The following GAREM1 variants were observed in gnomAD, a reference collection of about 807,000 sequenced individuals.
GAREM1 encodes GRB2 associated regulator of MAPK1 subtype 1, also known as GRB2-associated and regulator of MAPK protein 1.
GAREM1 carries 26 observed loss-of-function variants against 71.3 expected under a neutral mutation model. The observed-to-expected ratio is 0.36, with a 90% CI of 0.27 to 0.51. The LOEUF (loss-of-function observed/expected upper bound fraction) is 0.51, where lower values mean the gene tolerates loss of function less well. Ranked by LOEUF, GAREM1 falls within the 20% of genes least tolerant of loss-of-function variation. The probability of loss-of-function intolerance (pLI) is 0.95; values close to 1 mark genes in which losing one functional copy is unlikely to be tolerated. For synonymous variants in GAREM1, 440 were observed against 433.2 expected (o/e 1.02, Z -0.20); for missense variants, 1,026 against 1,103.1 (o/e 0.93, Z 0.99).
rs1206404957 is a variant in GAREM1, at chr18:32,267,001, A to C, written c.*870T>G. 1 of 152,338 alleles carries C rather than the reference A, an allele frequency of 6.6e-6. No homozygotes were observed. Among genetic ancestry groups the C allele is most frequent in the South Asian group, 2.1e-4 (1 of 4,828 alleles). The allele number at this position is 152,338 out of a possible 1,614,324, so 9.4% of individuals were successfully genotyped here. A position where few individuals can be genotyped will look rare whatever the true frequency, so the allele number is the denominator to read the frequency against. On this transcript the variant is annotated 3_prime_UTR_variant, in exon 6 of 6. Transcript: ENST00000269209. ...TCAGTGATGAACCCAAATAAGATTG[A>C]GCTTCAAGAGACAGGGTTCTGAGAA...
rs139098409 is a variant in GAREM1 at position 32,327,640 on chromosome 18, A to G, written c.263-17317T>C. On this transcript the variant is annotated intron_variant, in intron 2 of 5. Transcript: ENST00000269209. ...ATTGTAAAACCTAGAGTGTGACTGG[A>G]TATTAAATACATGAAGTTGGGTTCT... Among the ~76,000 whole-genome samples the G allele has an allele frequency of 9.8e-5, 15 of 152,330 alleles. No homozygotes were observed. In the East Asian group the frequency reaches 2.9e-3, roughly 29 times the overall value.
At chr18:32,294,608 A>G (rs1490443497) in intron 3 of GAREM1, among the ~76,000 whole-genome samples, 1 of 152,162 alleles carries the variant, frequency 6.6e-6, no homozygotes. Flanking sequence ...ATTTATTCAG[A>G]TCTTTTATTT....
chr18:32,297,336 C>A (rs1444400937), intron 3 of GAREM1, among the ~76,000 whole-genome samples: 1 of 152,146 alleles, frequency 6.6e-6, no homozygotes, highest in East Asian at 1.9e-4. Flanking sequence ...GCCTTAGGTT[C>A]CTCACCTATA....
At chr18:32,391,724 G>A (rs1567992170) in intron 2 of GAREM1, among the ~76,000 whole-genome samples, 1 of 152,130 alleles carries the variant, frequency 6.6e-6, no homozygotes, top group African/African-American at 2.4e-5. Flanking sequence ...TCTAACAGAT[G>A]TAATGCTTTC....
At position 32,268,284 on chromosome 18, in the gene GAREM1, C is replaced by T. The variant is rs752446771; in HGVS notation, c.2218G>A (p.Glu740Lys). ...ATTTTCAGAGGCAAAGGAGATGTTT[C>T]GGAGGCGACCTTCTCTTCCACTAGT... is the stretch of plus-strand genomic sequence containing the variant. Reference protein sequence around the residue: ...PKLVEEKVASETSPLPLKIDG... With the variant: ...PKLVEEKVASKTSPLPLKIDG... Residue 740 changes from glutamate to lysine, a missense_variant, in exon 6 of 6, where the codon GAA becomes AAA. By Grantham distance (56) the Glu-to-Lys change is moderately conservative. Transcript: ENST00000269209. 16 of 1,613,980 alleles carry T rather than the reference C, an allele frequency of 9.9e-6. No homozygotes were observed. The highest frequency in any genetic ancestry group is 7.7e-5 in the South Asian group (7 of 91,072).
chr18:32,268,189 C>T lies in GAREM1; in HGVS notation c.2313G>A (p.Lys771=). The T allele has an allele frequency of 1.2e-6, 2 of 1,614,104 alleles. No homozygotes were observed. The highest frequency in any genetic ancestry group is 1.7e-6 in the Non-Finnish European group (2 of 1,180,018). Residue 771 remains lysine (K), a synonymous_variant, in exon 6 of 6, where the codon AAG becomes AAA. Coordinates refer to ENST00000269209, the MANE Select transcript of GAREM1 (RefSeq NM_001242409.2). ...AGGCAGAGAAGATGTCCTGCATGCC[C>T]TTTTTAACAAAATACTGGTCCTCCG... ...DLSEDQYFVK[K]GMQDIFSASY...
At chr18:32,380,632 C>A (rs764820117) in intron 2 of GAREM1, among the ~76,000 whole-genome samples, 1 of 152,068 alleles carries the variant, frequency 6.6e-6, no homozygotes, top group Non-Finnish European at 1.5e-5. Context: ...CAACTTGGCA[C>A]CACTGACATT....
At chr18:32,399,386 G>C (rs758733042) in intron 1 of GAREM1, among the ~76,000 whole-genome samples, 2 of 152,014 alleles carry the variant, frequency 1.3e-5, no homozygotes, top group South Asian at 2.1e-4. Flanking sequence ...CAAATTGTCC[G>C]TGTTTACAGA....
intron 2 of GAREM1, among the ~76,000 whole-genome samples, chr18:32,362,326 C>T (rs1018267056): frequency 6.6e-6 from 1 of 152,136 alleles, no homozygotes; most frequent in African/African-American, 2.4e-5. Flanking sequence ...CTTTCCTTGT[C>T]TTTTGTAAAG....
intron 2 of GAREM1, among the ~76,000 whole-genome samples, chr18:32,358,066 C>G (rs1299867884): frequency 6.6e-6 from 1 of 151,940 alleles, no homozygotes; most frequent in Non-Finnish European, 1.5e-5. Context: ...AGCTATTACC[C>G]CTTAGTTAGC....
chr18:32,412,446 G>C (rs953844677), intron 1 of GAREM1: 2 of 1,589,682 alleles, frequency 1.3e-6, no homozygotes, highest in South Asian at 2.2e-5. Flanking sequence ...AAATCCATTA[G>C]AGCCATCCCC....
At chr18:32,463,330 A>AT (rs1161261835) in intron 1 of GAREM1, among the ~76,000 whole-genome samples, 1 of 151,466 alleles carries the variant, frequency 6.6e-6, no homozygotes, top group Non-Finnish European at 1.5e-5. Context: ...CTCTGGAAAA[A>AT]AAAATAAAAA....
At position 32,462,316 on chromosome 18, in the gene GAREM1, G is replaced by C. The variant is rs867027820; in HGVS notation, c.121+7992C>G. Among the ~76,000 whole-genome samples, 29 of 152,102 alleles carry C rather than the reference G, an allele frequency of 1.9e-4. 1 individual carries two copies. Among genetic ancestry groups the C allele is most frequent in the Admixed American group, 1.2e-3 (18 of 15,270 alleles). ...TTTTGTCTTTTTGCCATTCTATCTA[G>C]AGTAACATCGATCTCACTGCGATTT... On this transcript the variant is annotated intron_variant, in intron 1 of 5. Coordinates refer to ENST00000269209, the MANE Select transcript of GAREM1 (RefSeq NM_001242409.2).
intron 1 of GAREM1, among the ~76,000 whole-genome samples, chr18:32,408,754 C>T (rs1159799953): frequency 6.6e-6 from 1 of 152,068 alleles, no homozygotes; most frequent in African/African-American, 2.4e-5. Flanking sequence ...CTGAAAATGT[C>T]CAAAAATTTA....
chr18:32,441,013 G>T (rs2048731394), intron 1 of GAREM1, among the ~76,000 whole-genome samples: 1 of 151,976 alleles, frequency 6.6e-6, no homozygotes, highest in Admixed American at 6.6e-5. Flanking sequence ...TTCTTTCTTA[G>T]CTGTATATTT....
At chr18:32,380,627 T>G (rs1213702614) in intron 2 of GAREM1, among the ~76,000 whole-genome samples, 1 of 152,144 alleles carries the variant, frequency 6.6e-6, no homozygotes, top group Non-Finnish European at 1.5e-5. Context: ...TTTTCCAACT[T>G]GGCACCACTG....
chr18:32,408,529 G>GA (rs2048386483), intron 1 of GAREM1, among the ~76,000 whole-genome samples: 1 of 152,148 alleles, frequency 6.6e-6, no homozygotes, highest in Non-Finnish European at 1.5e-5. Context: ...ATCAGCAGGA[G>GA]AACCTAATGT....
intron 1 of GAREM1, among the ~76,000 whole-genome samples, chr18:32,395,327 G>A (rs939707943): frequency 2.0e-5 from 3 of 152,178 alleles, no homozygotes; most frequent in South Asian, 2.1e-4. Context: ...AGGCGCATAC[G>A]GGTGAACAAA....
At chr18:32,369,463 T>C (rs2144623903) in intron 2 of GAREM1, among the ~76,000 whole-genome samples, 1 of 152,310 alleles carries the variant, frequency 6.6e-6, no homozygotes, top group East Asian at 1.9e-4. Context: ...GTTTTATCTA[T>C]ATGTATGATA....
Sources: allele counts gnomAD v4.1 joint callset (sites outside exome capture counted in the v4.1 genomes callset), GRCh38; gene constraint gnomAD v4.1.1; transcripts MANE v1.5; gene names NCBI Gene and HGNC (gene_info 2026-07-23, HGNC 2026-07-21).